KIAA1217: variants seen among roughly 807,000 people sequenced by gnomAD.
The protein encoded by KIAA1217 is sickle tail protein homolog.
KIAA1217 carries 88 observed loss-of-function variants against 163.9 expected under a neutral mutation model. That is an observed-to-expected ratio of 0.54 (90% CI 0.45 to 0.64). The LOEUF (loss-of-function observed/expected upper bound fraction) is 0.64. Among genes scored for constraint, KIAA1217 ranks in the 30% least tolerant of loss-of-function variants. The probability of loss-of-function intolerance (pLI) is 0.00; values close to 1 mark genes in which losing one functional copy is unlikely to be tolerated. For synonymous variants in KIAA1217, 903 were observed against 923.1 expected (o/e 0.98, Z 0.39); for missense variants, 2,372 against 2,475.0 (o/e 0.96, Z 0.88).
intron 2 of KIAA1217, among the ~76,000 whole-genome samples, chr10:24,197,717 T>C (rs1429312595): frequency 6.6e-6 from 1 of 152,252 alleles, no homozygotes; most frequent in Non-Finnish European, 1.5e-5. Flanking sequence ...TTTCCTGAAT[T>C]ACTGTAACAG....
At chr10:23,917,961 T>C (rs181395753) in intron 1 of KIAA1217, among the ~76,000 whole-genome samples, 35 of 152,248 alleles carry the variant, frequency 2.3e-4, no homozygotes, top group African/African-American at 7.9e-4. Context: ...TTAGCTTAGA[T>C]GCATTTAAAT....
intron 3 of KIAA1217, among the ~76,000 whole-genome samples, chr10:24,399,833 C>T (rs777633032): frequency 3.9e-5 from 6 of 152,058 alleles, no homozygotes; most frequent in Non-Finnish European, 7.4e-5. Context: ...AAACACGTAG[C>T]GACCCAGGAT....
intron 2 of KIAA1217, among the ~76,000 whole-genome samples, chr10:24,079,315 T>C (rs1183861414): frequency 1.3e-5 from 2 of 152,166 alleles, no homozygotes; most frequent in Admixed American, 6.5e-5. Context: ...GGGAGAACAG[T>C]GATCACCTAT....
At chr10:23,867,963 T>G (rs948733438) in intron 1 of KIAA1217, among the ~76,000 whole-genome samples, 3 of 152,166 alleles carry the variant, frequency 2.0e-5, no homozygotes, top group Non-Finnish European at 4.4e-5. Flanking sequence ...TAGGTTTTCT[T>G]CTAGGATTTT....
chr10:24,436,451 G>A (rs2060025575), intron 4 of KIAA1217, among the ~76,000 whole-genome samples: 2 of 138,904 alleles, frequency 1.4e-5, no homozygotes, highest in Non-Finnish European at 3.0e-5. Flanking sequence ...TTCACCACCA[G>A]CATTATATAA....
chr10:24,211,664 A>G (rs1261817480), intron 1 of KIAA1217, among the ~76,000 whole-genome samples: 1 of 151,372 alleles, frequency 6.6e-6, no homozygotes, highest in Non-Finnish European at 1.5e-5. Context: ...GTCTTTTTAA[A>G]TGGGGTAATA....
chr10:23,981,885 A>G (rs777318081), intron 1 of KIAA1217, among the ~76,000 whole-genome samples: 39 of 152,126 alleles, frequency 2.6e-4, no homozygotes, highest in Non-Finnish European at 5.4e-4. Flanking sequence ...AAATTAGTAC[A>G]GCTGAGTTCA....
At chr10:24,127,795 C>T (rs1456965964) in intron 2 of KIAA1217, among the ~76,000 whole-genome samples, 1 of 152,144 alleles carries the variant, frequency 6.6e-6, no homozygotes, top group Non-Finnish European at 1.5e-5. Context: ...TATTGTATAA[C>T]ATGACATATT....
Position 24,257,309 on chromosome 10 carries a change from G to A in KIAA1217, c.354+37400G>A, listed in dbSNP as rs192919353. ...AGAAGTGTTTGGCAAAAAGTGCCAAGCTTATTCCTGAGAAAGGATGGAACG... is the reference window on the plus strand; with the variant it reads ...AGAAGTGTTTGGCAAAAAGTGCCAAACTTATTCCTGAGAAAGGATGGAACG... On this transcript the variant is annotated intron_variant, in intron 2 of 20. Coordinates refer to ENST00000376454, the MANE Select transcript of KIAA1217 (RefSeq NM_019590.5). Among the ~76,000 whole-genome samples, 24 of 152,296 alleles carry A rather than the reference G, an allele frequency of 1.6e-4. No homozygotes were observed. The East Asian group carries it at 3.9e-3, about 25-fold the overall frequency.
At position 24,544,029 on chromosome 10, in the gene KIAA1217, C is replaced by G. The variant is rs760559887; in HGVS notation, c.4759C>G (p.Gln1587Glu). The G allele has an allele frequency of 3.1e-6, 5 of 1,614,150 alleles. No individual in the cohort carries two copies. The highest frequency in any genetic ancestry group is 4.2e-6 in the Non-Finnish European group (5 of 1,180,040). ...TAAGAAGCAACTCGCCGCTCTCACTCAAGCCATTCGCACCGGAACTAAAAC... is the reference window on the plus strand; with the variant it reads ...TAAGAAGCAACTCGCCGCTCTCACTGAAGCCATTCGCACCGGAACTAAAAC... ...FPKKQLAALT[Q>E]AIRTGTKTGK... The change falls in exon 19 of 21, where the codon CAA (glutamine) becomes GAA (glutamate). Residue 1587 changes from glutamine to glutamate, a missense_variant. By Grantham distance (29) the Gln-to-Glu change is conservative (BLOSUM62 2). Transcript: ENST00000376454.
intron 5 of KIAA1217, among the ~76,000 whole-genome samples, chr10:24,471,615 G>A (rs1019370200): frequency 6.6e-6 from 1 of 152,048 alleles, no homozygotes; most frequent in Non-Finnish European, 1.5e-5. Context: ...AGGTGCAGTG[G>A]CTCATGCCTA....
chr10:24,204,298 G>A (rs1174163537), upstream of KIAA1217, among the ~76,000 whole-genome samples: 1 of 152,118 alleles, frequency 6.6e-6, no homozygotes, highest in Non-Finnish European at 1.5e-5. Flanking sequence ...TGGAGAGAAT[G>A]CTGGAGGTTA....
intron 2 of KIAA1217, among the ~76,000 whole-genome samples, chr10:24,379,805 A>C (rs2053041438): frequency 1.3e-5 from 2 of 152,200 alleles, no homozygotes; most frequent in Non-Finnish European, 2.9e-5. Flanking sequence ...GAATCCCAGC[A>C]CTTTGGGAGG....
chr10:23,798,419 A>G (rs561463673), intron 1 of KIAA1217, among the ~76,000 whole-genome samples: 4 of 152,288 alleles, frequency 2.6e-5, no homozygotes, highest in African/African-American at 9.6e-5. Context: ...ACTTCTACCC[A>G]TCATCTTCAG....
chr10:23,998,259 CT>C (rs1366635996), intron 1 of KIAA1217, among the ~76,000 whole-genome samples: 2 of 152,114 alleles, frequency 1.3e-5, no homozygotes, highest in African/African-American at 2.4e-5. Flanking sequence ...ACTTTGCAGT[CT>C]GGCCCCATCC....
At position 24,105,798 on chromosome 10, in the gene KIAA1217, G is replaced by A. The variant is rs529124248; in HGVS notation, c.-171+98424G>A. Reference sequence around the variant, plus strand: ...AGGTTACTGCCTTCATGGGGCTTTCGGCCTAGAATGGAAGCTATGGCAACC... The same window carrying A: ...AGGTTACTGCCTTCATGGGGCTTTCAGCCTAGAATGGAAGCTATGGCAACC... On this transcript the variant is annotated intron_variant, in intron 2 of 18. Coordinates refer to the KIAA1217 transcript ENST00000376462. Among the ~76,000 whole-genome samples, 74 of 152,280 alleles carry A rather than the reference G, an allele frequency of 4.9e-4. No homozygotes were observed. In the South Asian group the frequency reaches 5.8e-3, roughly 12 times the overall value.
intron 4 of KIAA1217, among the ~76,000 whole-genome samples, chr10:24,435,361 A>G (rs1233222655): frequency 1.3e-5 from 2 of 152,372 alleles, no homozygotes; most frequent in East Asian, 3.9e-4. Flanking sequence ...ACATGAAATA[A>G]TCACATTATA....
chr10:24,090,917 T>C (rs2061915896), intron 2 of KIAA1217, among the ~76,000 whole-genome samples: 1 of 151,928 alleles, frequency 6.6e-6, no homozygotes, highest in East Asian at 1.9e-4. Flanking sequence ...AGATTATGTC[T>C]GGATTCACAG....
intron 2 of KIAA1217, among the ~76,000 whole-genome samples, chr10:24,062,700 T>G (rs1188458556): frequency 6.6e-6 from 1 of 152,042 alleles, no homozygotes; most frequent in Non-Finnish European, 1.5e-5. Flanking sequence ...TCTAGATCCC[T>G]GAGGAATCGC....
Sources: gnomAD v4.1 joint callset for allele counts (sites outside exome capture counted in the v4.1 genomes callset) on GRCh38, gnomAD v4.1.1 for gene constraint, MANE v1.5 for transcripts, NCBI Gene and HGNC (gene_info 2026-07-23, HGNC 2026-07-21) for gene names.